Variants in AVEN observed in about 807,000 individuals in gnomAD.
AVEN encodes cell death regulator Aven.
In AVEN, 41 loss-of-function variants were observed where a neutral mutation model predicts 38.1. The observed-to-expected ratio is 1.08, with a 90% CI of 0.84 to 1.40. AVEN has a LOEUF of 1.40. Ranked by LOEUF, AVEN falls within the 40% of genes most tolerant of loss-of-function variation. The pLI is 0.00. For synonymous variants in AVEN, 206 were observed against 171.8 expected (o/e 1.20, Z -1.56); for missense variants, 605 against 438.8 (o/e 1.38, Z -3.38).
chr15:33,880,055 T>C (rs1296209599), intron 2 of AVEN, among the ~76,000 whole-genome samples: 2 of 152,208 alleles, frequency 1.3e-5, no homozygotes, highest in Admixed American at 1.3e-4. Context: ...TGGTAAGTTA[T>C]GTATTTACTG....
intron 1 of AVEN, among the ~76,000 whole-genome samples, chr15:34,019,639 A>G (rs1898115143): frequency 6.6e-6 from 1 of 152,186 alleles, no homozygotes; most frequent in Non-Finnish European, 1.5e-5. Flanking sequence ...CAGTAATTTT[A>G]CTGTACCTTT....
intron 4 of AVEN, among the ~76,000 whole-genome samples, chr15:33,868,926 A>G (rs572688169): frequency 6.6e-5 from 10 of 152,194 alleles, no homozygotes; most frequent in Admixed American, 5.2e-4. Flanking sequence ...GGTGATTGTA[A>G]TACAAGGTTA....
chr15:33,945,610 G>A (rs1448095998), intron 2 of AVEN, among the ~76,000 whole-genome samples: 1 of 151,636 alleles, frequency 6.6e-6, no homozygotes, highest in Admixed American at 6.6e-5. Context: ...TTTTTGAAAT[G>A]GAGTCTCGCT....
At chr15:33,928,007 T>C (rs1893692602) in intron 2 of AVEN, among the ~76,000 whole-genome samples, 1 of 152,134 alleles carries the variant, frequency 6.6e-6, no homozygotes, top group Non-Finnish European at 1.5e-5. Flanking sequence ...TGCCTGGTGA[T>C]GAAGTAGGTG....
At chr15:33,868,690 T>G (rs1456251884) in intron 4 of AVEN, among the ~76,000 whole-genome samples, 1 of 150,128 alleles carries the variant, frequency 6.7e-6, no homozygotes, top group Non-Finnish European at 1.5e-5. Context: ...CAAAAGAAAA[T>G]ACACTATTTG....
At chr15:34,032,654 A>G (rs1898912277) in intron 1 of AVEN, among the ~76,000 whole-genome samples, 1 of 152,190 alleles carries the variant, frequency 6.6e-6, no homozygotes, top group Non-Finnish European at 1.5e-5. Flanking sequence ...CAAGGAGTAT[A>G]TGAGCAGTAT....
chr15:33,903,553 A>G (rs1208958825), intron 2 of AVEN, among the ~76,000 whole-genome samples: 1 of 152,194 alleles, frequency 6.6e-6, no homozygotes, highest in Non-Finnish European at 1.5e-5. Flanking sequence ...GACTAATTTT[A>G]CATGCTTTGG....
chr15:34,028,152 A>T (rs1872807), intron 1 of AVEN, among the ~76,000 whole-genome samples: 23,480 of 152,124 alleles, frequency 0.15, 2,682 homozygotes, highest in African/African-American at 0.32. Context: ...CATTTAAAAA[A>T]TTTTTTAATG....
At position 33,930,869 on chromosome 15, in the gene AVEN, G is replaced by T. The variant is rs1893814445; in HGVS notation, c.446-54874C>A. Among the ~76,000 whole-genome samples the T allele has an allele frequency of 1.3e-5, 2 of 151,266 alleles. 1 individual carries two copies. Among genetic ancestry groups the T allele is most frequent in the South Asian group, 4.2e-4 (2 of 4,810 alleles). On this transcript the variant is annotated intron_variant, in intron 2 of 5. Transcript: ENST00000306730. The stretch of plus-strand genomic sequence containing the variant: ...ATTTGGGAGGCTGAGGCAGGAGAGT[G>T]GCATGAACCTGGGAGGCGGAGCTTG...
intron 5 of AVEN, among the ~76,000 whole-genome samples, chr15:34,058,859 G>A (rs1056556950): frequency 2.0e-5 from 3 of 152,112 alleles, no homozygotes; most frequent in African/African-American, 7.2e-5. Flanking sequence ...TCATAGAAAT[G>A]TAGGTATGTT....
intron 2 of AVEN, chr15:33,968,694 G>A (rs999083606): frequency 5.3e-5 from 8 of 152,250 alleles, no homozygotes; most frequent in African/African-American, 1.7e-4. Flanking sequence ...GAAAGCAAGA[G>A]TGCAAGAACA....
chr15:34,073,506 T>C (rs1032376005), intron 1 of AVEN, among the ~76,000 whole-genome samples: 1 of 139,190 alleles, frequency 7.2e-6, no homozygotes, highest in African/African-American at 2.6e-5. Flanking sequence ...TTTTTTCTTT[T>C]CTTTTCTTTT....
chr15:33,962,009 C>T (rs1300242243), intron 2 of AVEN, among the ~76,000 whole-genome samples: 3 of 151,866 alleles, frequency 2.0e-5, no homozygotes, highest in Non-Finnish European at 4.4e-5. Context: ...ATATTTATTC[C>T]TAGAGTGGCT....
intron 2 of AVEN, among the ~76,000 whole-genome samples, chr15:33,896,001 G>T (rs1193379269): frequency 6.6e-6 from 1 of 152,118 alleles, no homozygotes; most frequent in Non-Finnish European, 1.5e-5. Flanking sequence ...ATTCAAAAGG[G>T]TCTTGCTGTA....
At chr15:34,051,590 T>G (rs1367101391) in intron 5 of AVEN, among the ~76,000 whole-genome samples, 1 of 149,698 alleles carries the variant, frequency 6.7e-6, no homozygotes, top group African/African-American at 2.5e-5. Context: ...GATAAACCAC[T>G]AATTAGACTA....
chr15:33,858,078 G>A (rs548689998), downstream of AVEN: 19 of 928,902 alleles, frequency 2.0e-5, no homozygotes, highest in African/African-American at 2.7e-4. Flanking sequence ...TCTCCAAACA[G>A]GAGAGTGTCC....
chr15:34,062,608 G>C, intron 5 of AVEN: 1 of 895,290 alleles, frequency 1.1e-6, no homozygotes, highest in South Asian at 1.7e-5. Context: ...AAATCATGCT[G>C]GTGTGCGAAG....
At chr15:33,868,871 T>C (rs565695239) in intron 4 of AVEN, among the ~76,000 whole-genome samples, 1 of 152,146 alleles carries the variant, frequency 6.6e-6, no homozygotes, top group South Asian at 2.1e-4. Context: ...CATGTGCACT[T>C]TTCTGAATCG....
At chr15:33,982,620 A>G (rs995436829) in intron 2 of AVEN, among the ~76,000 whole-genome samples, 1 of 152,158 alleles carries the variant, frequency 6.6e-6, no homozygotes, top group African/African-American at 2.4e-5. Flanking sequence ...ATGTTTACCC[A>G]TATCTACCAC....
Sources: allele counts gnomAD v4.1 joint callset (sites outside exome capture counted in the v4.1 genomes callset), GRCh38; gene constraint gnomAD v4.1.1; transcripts MANE v1.5; gene names NCBI Gene and HGNC (gene_info 2026-07-23, HGNC 2026-07-21).